The following ANKFY1 variants were observed in gnomAD, a reference collection of about 807,000 sequenced individuals.
ANKFY1 encodes ankyrin repeat and FYVE domain-containing protein 1.
A neutral mutation model predicts 128.3 loss-of-function variants in ANKFY1; 47 were observed. The ratio of observed to expected loss-of-function variants is 0.37; its 90% confidence interval spans 0.29 to 0.47. ANKFY1 has a LOEUF of 0.47. ANKFY1 is among the 20% of genes least tolerant of loss of function. The probability of loss-of-function intolerance (pLI) is 1.00; values close to 1 mark genes in which losing one functional copy is unlikely to be tolerated. For synonymous variants in ANKFY1, 553 were observed against 601.6 expected, an observed-to-expected ratio of 0.92 and a Z score of 1.18; for missense variants, 1,222 against 1,510.6, an observed-to-expected ratio of 0.81 and a Z score of 3.17.
chr17:4,210,912 G>A (rs28834407), intron 4 of ANKFY1, among the ~76,000 whole-genome samples: 5,742 of 144,888 alleles, frequency 0.04, 374 homozygotes, highest in African/African-American at 0.14. Context: ...GGCGCCTGTA[G>A]TCCCAGCTAC....
At chr17:4,174,196 TCA>T (rs1432944410) in intron 19 of ANKFY1, 140 bp from the exon 20 acceptor site, 2 of 915,898 alleles carry the variant, frequency 2.2e-6, no homozygotes, top group East Asian at 2.8e-5. Context: ...CATAGGAGCT[TCA>T]CACACACTCC....
chr17:4,262,296 A>T lies in ANKFY1; in HGVS notation c.10+1636T>A, dbSNP rs550297143. ...GACCACAGGCACCCGCCATCACTCCATTCACTCCAGGCTGGAGTGCAGTAG... is the reference window on the plus strand; with the variant it reads ...GACCACAGGCACCCGCCATCACTCCTTTCACTCCAGGCTGGAGTGCAGTAG... On this transcript the variant is annotated intron_variant, in intron 1 of 24. Transcript: ENST00000341657. Among the ~76,000 whole-genome samples, 183 of 152,022 alleles carry T rather than the reference A, an allele frequency of 1.2e-3. 5 individuals carry two copies. The highest frequency in any genetic ancestry group is 6.5e-4 in the Admixed American group (10 of 15,276).
chr17:4,233,363 G>C (rs1326187484), intron 3 of ANKFY1, among the ~76,000 whole-genome samples: 1 of 150,540 alleles, frequency 6.6e-6, no homozygotes, highest in Non-Finnish European at 1.5e-5. Flanking sequence ...AAAACACTAT[G>C]CTTTAAAAAA....
chr17:4,172,405 C>A (rs983287729), intron 22 of ANKFY1, 151 bp downstream of exon 22: 2 of 1,097,398 alleles, frequency 1.8e-6, no homozygotes, highest in Non-Finnish European at 2.5e-6. Flanking sequence ...CCAGACTCCA[C>A]AACAGGGCTC....
In ANKFY1 at chr17:4,183,403, A is replaced by G; in HGVS notation, c.1947T>C (p.Asn649=). 6.2e-7 allele frequency: 1 copy of G among 1,613,726 alleles called. No homozygotes were observed. The highest frequency in any genetic ancestry group is 8.5e-7 in the Non-Finnish European group (1 of 1,179,890). The part of the protein sequence containing the change: ...LFLLEHQADI[N]VRTQDGETAL... ...AGAGAGCGGCTTCCTCCTACCTGAC[A>G]TTTATATCTGCCTGGTGCTCCAGCA... The change falls in exon 14 of 25, where the codon AAT becomes AAC. Residue 649 remains asparagine (N), a synonymous_variant. Transcript: ENST00000341657.
chr17:4,198,128 T>TCAAA lies in ANKFY1; in HGVS notation c.899-552_899-551insTTTG, dbSNP rs759518789. Reference sequence around the variant, plus strand: ...TGGGGATTAAGAGCAAAACTCCGTCTTAAAAAAAAAAAAAAGAACACTAGG... The same window carrying TCAAA: ...TGGGGATTAAGAGCAAAACTCCGTCTCAAATAAAAAAAAAAAAAAGAACACTAGG... On this transcript the variant is annotated intron_variant, in intron 7 of 24. Transcript: ENST00000341657. 2.2e-3 allele frequency among the ~76,000 whole-genome samples: 306 copies of TCAAA among 136,796 alleles called. 2 individuals are homozygous for TCAAA. Among genetic ancestry groups the TCAAA allele is most frequent in the Non-Finnish European group, 4.2e-3 (261 of 62,612 alleles). The allele number at this position is 136,796 out of a possible 152,430, so 89.7% of individuals were successfully genotyped here. A position where few individuals can be genotyped will look rare whatever the true frequency, so the allele number is the denominator to read the frequency against.
In ANKFY1 at chr17:4,254,952, T is replaced by C. The variant is rs114951341; in HGVS notation, c.10+8980A>G. The stretch of plus-strand genomic sequence containing the variant: ...ATCACACAATTAGCAGAAGACAGAC[T>C]CAAGATTTGTGGTCTTAAGCCAGAA... On this transcript the variant is annotated intron_variant, in intron 1 of 24. Transcript: ENST00000341657. 3.1e-3 allele frequency among the ~76,000 whole-genome samples: 469 copies of C among 152,244 alleles called. 1 individual carries two copies. The highest frequency in any genetic ancestry group is 0.011 in the African/African-American group (448 of 41,530).
At position 4,208,264 on chromosome 17, in the gene ANKFY1, G is replaced by C. The variant is rs2060061837; in HGVS notation, c.583-182C>G. 4 of 507,980 alleles carry C rather than the reference G, an allele frequency of 7.9e-6. No homozygotes were observed. The East Asian group carries it at 1.4e-4, about 17-fold the overall frequency. The allele number at this position is 507,980 out of a possible 1,614,324, so 31.5% of individuals were successfully genotyped here. A position where few individuals can be genotyped will look rare whatever the true frequency, so the allele number is the denominator to read the frequency against. ...ACTTGAACATCCCCATTTTACAGAA[G>C]AAAATATTATGGCATAAAGAGATTA... On this transcript the variant is annotated intron_variant, in intron 5 of 24. Coordinates refer to ENST00000341657, the MANE Select transcript of ANKFY1 (RefSeq NM_001330063.2).
At chr17:4,245,712 C>T (rs1967502095) in intron 1 of ANKFY1, among the ~76,000 whole-genome samples, 2 of 147,092 alleles carry the variant, frequency 1.4e-5, no homozygotes, top group African/African-American at 5.0e-5. Context: ...CACTGTACTC[C>T]AGCCTGGACA....
At chr17:4,196,625 G>C (rs369054192) in intron 8 of ANKFY1, among the ~76,000 whole-genome samples, 1 of 152,242 alleles carries the variant, frequency 6.6e-6, no homozygotes, top group Non-Finnish European at 1.5e-5. Flanking sequence ...GACAAAGGTA[G>C]CAAGCTGTGC....
intron 3 of ANKFY1, among the ~76,000 whole-genome samples, chr17:4,217,359 C>A (rs560255913): frequency 6.6e-6 from 1 of 152,278 alleles, no homozygotes; most frequent in East Asian, 1.9e-4. Context: ...CCAGCCTGAC[C>A]AACATGCTGA....
chr17:4,174,891 T>A (rs1214508027), intron 19 of ANKFY1, among the ~76,000 whole-genome samples: 1 of 151,254 alleles, frequency 6.6e-6, no homozygotes, highest in Non-Finnish European at 1.5e-5. Context: ...CCTGGCTAAT[T>A]AAAAAAAAGA....
intron 1 of ANKFY1, among the ~76,000 whole-genome samples, chr17:4,243,191 T>C (rs1967345333): frequency 6.6e-6 from 1 of 151,794 alleles, no homozygotes; most frequent in African/African-American, 2.4e-5. Flanking sequence ...CTCAGCCTCC[T>C]GAGTAGCTGG....
chr17:4,209,701 T>G (rs2060092076), intron 5 of ANKFY1, 123 bp downstream of exon 5: 7 of 1,120,996 alleles, frequency 6.2e-6, no homozygotes, highest in Non-Finnish European at 8.8e-6. Context: ...CTATTTATTC[T>G]TCAATTGTGT....
At chr17:4,171,730 A>T (rs191260395) in intron 22 of ANKFY1, among the ~76,000 whole-genome samples, 123 of 152,274 alleles carry the variant, frequency 8.1e-4, no homozygotes, top group Admixed American at 2.0e-3. Context: ...AGCTTAAAAA[A>T]CAGTGCGCAC....
intron 3 of ANKFY1, among the ~76,000 whole-genome samples, chr17:4,219,979 T>C (rs2060282399): frequency 6.6e-6 from 1 of 152,088 alleles, no homozygotes; most frequent in Non-Finnish European, 1.5e-5. Flanking sequence ...CCTGCTGCCA[T>C]GCCCAGCTAA....
intron 1 of ANKFY1, among the ~76,000 whole-genome samples, chr17:4,247,472 C>G (rs144253288): frequency 1.3e-5 from 2 of 152,184 alleles, no homozygotes; most frequent in Non-Finnish European, 2.9e-5. Flanking sequence ...GATGCTCCCC[C>G]ACCCGGCAGC....
chr17:4,248,427 C>G (rs1304906608), intron 1 of ANKFY1, among the ~76,000 whole-genome samples: 1 of 152,226 alleles, frequency 6.6e-6, no homozygotes, highest in Non-Finnish European at 1.5e-5. Context: ...CTTCCCTACC[C>G]CATCTATGGA....
intron 2 of ANKFY1, among the ~76,000 whole-genome samples, chr17:4,238,783 A>AG (rs1967052132): frequency 6.8e-6 from 1 of 146,018 alleles, no homozygotes; most frequent in Admixed American, 6.8e-5. Flanking sequence ...TTTTTTAGAC[A>AG]GGGTCTCACT....
Sources: gnomAD v4.1 joint callset for allele counts (sites outside exome capture counted in the v4.1 genomes callset) on GRCh38, gnomAD v4.1.1 for gene constraint, MANE v1.5 for transcripts, NCBI Gene and HGNC (gene_info 2026-07-23, HGNC 2026-07-21) for gene names.